Variants in VIPR2 observed in about 807,000 individuals in gnomAD.
The protein encoded by VIPR2 is vasoactive intestinal polypeptide receptor 2.
In VIPR2, 48 loss-of-function variants were observed where a neutral mutation model predicts 58.0. The ratio of observed to expected loss-of-function variants is 0.83; its 90% confidence interval spans 0.66 to 1.05. The LOEUF (loss-of-function observed/expected upper bound fraction) is 1.05, where lower values mean the gene tolerates loss of function less well. Among genes scored for constraint, VIPR2 ranks in the 50% least tolerant of loss-of-function variants. The pLI, the probability that VIPR2 is intolerant of heterozygous loss-of-function variation, is 0.00. For missense variants in VIPR2, 534 were observed against 558.0 expected, an observed-to-expected ratio of 0.96 and a Z score of 0.43; for synonymous variants, 243 against 235.2, an observed-to-expected ratio of 1.03 and a Z score of -0.30.
chr7:159,142,506 T>C lies in VIPR2; in HGVS notation c.91A>G (p.Ile31Val), dbSNP rs1395163630. 2 of 1,614,082 alleles carry C rather than the reference T, an allele frequency of 1.2e-6. No homozygotes were observed. The highest frequency in any genetic ancestry group is 1.3e-5 in the African/African-American group (1 of 75,012). The change falls in exon 2 of 13, where the codon ATA becomes GTA. Residue 31 changes from isoleucine (I) to valine (V), a missense_variant. Around this residue, in one of 3 missense-constraint regions of VIPR2, gnomAD observed 224 missense variants for 255.7 expected, o/e 0.88. Transcript: ENST00000262178. The stretch of plus-strand genomic sequence containing the variant: ...GCACATTTTGTTTCTTCCTCCTGTA[T>C]TTCCAGATGAAATCGGCATTCTGGG... ...IHPECRFHLE[I>V]QEEETKCAEL...
At chr7:159,046,362 C>A (rs1854648669) in intron 5 of VIPR2, among the ~76,000 whole-genome samples, 1 of 152,182 alleles carries the variant, frequency 6.6e-6, no homozygotes, top group Admixed American at 6.5e-5. Flanking sequence ...CATATCCATA[C>A]AACTAAATAC....
intron 5 of VIPR2, among the ~76,000 whole-genome samples, chr7:159,056,648 A>G (rs545257405): frequency 9.2e-5 from 14 of 152,234 alleles, no homozygotes; most frequent in Non-Finnish European, 2.1e-4. Context: ...TTTCCCGTGT[A>G]TAAAATAAGA....
At position 159,032,009 on chromosome 7, in the gene VIPR2, A is replaced by C; in HGVS notation, c.1030T>G (p.Phe344Val). ...IPLFGVHYMV[F>V]AVFPISISSK... ...GAGATGCTGATGGGAAACACGGCAA[A>C]CACCATGTAGTGGACGCCGAACAGC... Residue 344 changes from phenylalanine to valine, a missense_variant, in exon 11 of 13, where the codon TTT (phenylalanine) becomes GTT (valine). Around this residue, in one of 3 missense-constraint regions of VIPR2, gnomAD observed 306 missense variants for 285.8 expected, o/e 1.07. Transcript: ENST00000262178. The C allele has an allele frequency of 6.2e-7, 1 of 1,614,134 alleles. No individual in the cohort carries two copies. Among genetic ancestry groups the C allele is most frequent in the South Asian group, 1.1e-5 (1 of 91,078 alleles).
rs1858109419 is a variant in VIPR2 at position 159,099,982 on chromosome 7, G to A, written c.357+3775C>T. ...TCCTCCCTGAGGACCTTCCTCAAGG[G>A]CTCACAGCCATGCGTGCTGGAGCTG... On this transcript the variant is annotated intron_variant, in intron 4 of 12. Transcript: ENST00000262178. The surrounding 1 kb of genome is among the most constrained non-coding windows in gnomAD (Gnocchi z 4.2). Among the ~76,000 whole-genome samples the A allele has an allele frequency of 6.6e-6, 1 of 152,226 alleles. No individual in the cohort carries two copies. The highest frequency in any genetic ancestry group is 6.5e-5 in the Admixed American group (1 of 15,298).
At chr7:159,035,581 G>A (rs543571607) in intron 8 of VIPR2, among the ~76,000 whole-genome samples, 2 of 152,300 alleles carry the variant, frequency 1.3e-5, no homozygotes, top group Admixed American at 6.5e-5. Context: ...AGTGCCGGGG[G>A]GCCCTGCAGC....
chr7:159,062,269 C>T (rs555350489), intron 4 of VIPR2, among the ~76,000 whole-genome samples: 69 of 152,310 alleles, frequency 4.5e-4, no homozygotes, highest in Middle Eastern at 3.4e-3. Flanking sequence ...GCGCCAGCCT[C>T]GGGCTCGGGT....
At chr7:159,108,946 G>A (rs369706144) in intron 3 of VIPR2, among the ~76,000 whole-genome samples, 1 of 152,160 alleles carries the variant, frequency 6.6e-6, no homozygotes, top group East Asian at 1.9e-4. Flanking sequence ...TGCTTTGCTG[G>A]CAACTCGGGG....
intron 4 of VIPR2, among the ~76,000 whole-genome samples, chr7:159,071,374 C>T (rs779982319): frequency 9.9e-5 from 15 of 152,192 alleles, no homozygotes; most frequent in Non-Finnish European, 1.5e-4. Flanking sequence ...CCCAGGCAGA[C>T]CCTTGGCCTT....
intron 5 of VIPR2, among the ~76,000 whole-genome samples, chr7:159,049,025 T>C (rs985088184): frequency 1.3e-5 from 2 of 152,160 alleles, no homozygotes; most frequent in Admixed American, 6.5e-5. Flanking sequence ...GCCACCCCCA[T>C]TACTGCACCC....
chr7:159,084,010 G>A (rs559036239), intron 4 of VIPR2, among the ~76,000 whole-genome samples: 1 of 152,324 alleles, frequency 6.6e-6, no homozygotes, highest in East Asian at 1.9e-4. Context: ...CAGCTTCCCA[G>A]CCCACTTCAG....
At chr7:159,067,322 T>TGCAGAATAA in intron 4 of VIPR2, among the ~76,000 whole-genome samples, 1 of 152,236 alleles carries the variant, frequency 6.6e-6, no homozygotes, top group East Asian at 1.9e-4. Context: ...GCTGTGCAGC[T>TGCAGAATAA]ATAGGATTTA....
chr7:159,036,068 G>T, intron 7 of VIPR2, 56 bp from the exon 8 acceptor site: 1 of 1,560,286 alleles, frequency 6.4e-7, no homozygotes. Context: ...ACGCACACAG[G>T]TGGGTGCCTT....
chr7:159,070,082 C>T (rs1448694190), intron 4 of VIPR2, among the ~76,000 whole-genome samples: 7 of 152,230 alleles, frequency 4.6e-5, no homozygotes, highest in South Asian at 2.1e-4. Flanking sequence ...CAACAGCCAA[C>T]GCCAAAGTCT....
intron 2 of VIPR2, among the ~76,000 whole-genome samples, chr7:159,117,977 G>C (rs1796303892): frequency 6.6e-6 from 1 of 152,232 alleles, no homozygotes; most frequent in South Asian, 2.1e-4. Context: ...AAGAAAGCTT[G>C]ACTTATGTCT....
At chr7:159,076,667 A>C (rs1433993867) in intron 4 of VIPR2, among the ~76,000 whole-genome samples, 1 of 152,230 alleles carries the variant, frequency 6.6e-6, no homozygotes, top group African/African-American at 2.4e-5. Flanking sequence ...TGTATAAAAT[A>C]GCTCTATTTA....
At chr7:159,057,104 G>A (rs939297393) in intron 5 of VIPR2, among the ~76,000 whole-genome samples, 1 of 152,198 alleles carries the variant, frequency 6.6e-6, no homozygotes, top group African/African-American at 2.4e-5. Context: ...GAAGGAAACA[G>A]ATGTGTGTAA....
At chr7:159,108,248 G>GCCCTGCTCA (rs1795848362) in intron 3 of VIPR2, among the ~76,000 whole-genome samples, 1 of 152,036 alleles carries the variant, frequency 6.6e-6, no homozygotes, top group Non-Finnish European at 1.5e-5. Flanking sequence ...AGCCCTGCTC[G>GCCCTGCTCA]GCCCCCAGTC....
At chr7:159,114,308 C>T (rs750939061) in intron 2 of VIPR2, among the ~76,000 whole-genome samples, 5 of 151,900 alleles carry the variant, frequency 3.3e-5, no homozygotes, top group Non-Finnish European at 7.4e-5. Context: ...GGGCCACCCC[C>T]GAGAGAAGCA....
At position 159,067,041 on chromosome 7, in the gene VIPR2, G is replaced by T. The variant is rs57153933; in HGVS notation, c.358-8463C>A. 3.4e-3 allele frequency among the ~76,000 whole-genome samples: 521 copies of T among 152,244 alleles called. 1 individual carries two copies. The highest frequency in any genetic ancestry group is 5.6e-3 in the Admixed American group (86 of 15,296). ...TGAGATCGAAGTTAATTAAACTTAC[G>T]TAAAATTGACACGCCAGTGACTCAG... On this transcript the variant is annotated intron_variant, in intron 4 of 12. Coordinates refer to ENST00000262178, the MANE Select transcript of VIPR2 (RefSeq NM_003382.5).
Sources: allele counts gnomAD v4.1 joint callset (sites outside exome capture counted in the v4.1 genomes callset), GRCh38; gene constraint gnomAD v4.1.1; regional missense constraint gnomAD v4.1.1; non-coding constraint Gnocchi (gnomAD v3.1); transcripts MANE v1.5; gene names NCBI Gene and HGNC (gene_info 2026-07-23, HGNC 2026-07-21).